The following ZCCHC17 variants were observed in gnomAD, a reference collection of about 807,000 sequenced individuals.
ZCCHC17 encodes the protein zinc finger CCHC domain-containing protein 17.
ZCCHC17 carries 18 observed loss-of-function variants against 30.6 expected under a neutral mutation model. The ratio of observed to expected loss-of-function variants is 0.59; its 90% CI spans 0.41 to 0.87. ZCCHC17 has a LOEUF of 0.87. Among genes scored for constraint, ZCCHC17 ranks in the 40% least tolerant of loss-of-function variants. The pLI, the probability that ZCCHC17 is intolerant of heterozygous loss-of-function variation, is 0.00. For synonymous variants in ZCCHC17, 88 were observed against 92.4 expected (o/e 0.95, Z 0.27); for missense variants, 263 against 284.2 (o/e 0.93, Z 0.54).
At chr1:31,322,705 A>G (rs1646888209) in intron 3 of ZCCHC17, among the ~76,000 whole-genome samples, 1 of 144,480 alleles carries the variant, frequency 6.9e-6, no homozygotes, top group South Asian at 2.2e-4. Flanking sequence ...CCCGGAAGTC[A>G]GAGGGTAGGG....
chr1:31,360,804 T>C (rs1323663456), intron 7 of ZCCHC17, among the ~76,000 whole-genome samples: 2 of 152,364 alleles, frequency 1.3e-5, no homozygotes, highest in East Asian at 1.9e-4. Flanking sequence ...CGACTCACTT[T>C]ACATTTCTGA....
At chr1:31,324,973 G>C (rs777026654) in intron 3 of ZCCHC17, among the ~76,000 whole-genome samples, 2 of 152,066 alleles carry the variant, frequency 1.3e-5, no homozygotes, top group African/African-American at 4.8e-5. Context: ...GCTTTTCCTG[G>C]GCCTGCCCAT....
chr1:31,362,546 A>G (rs932863054), intron 7 of ZCCHC17, among the ~76,000 whole-genome samples: 9 of 152,134 alleles, frequency 5.9e-5, no homozygotes, highest in East Asian at 1.9e-4. Context: ...TGGTGGGTAT[A>G]GTTTTGGGAA....
chr1:31,305,166 T>G (rs550919661), intron 1 of ZCCHC17, among the ~76,000 whole-genome samples: 109 of 152,302 alleles, frequency 7.2e-4, no homozygotes, highest in African/African-American at 2.3e-3. Flanking sequence ...TCTTTGGGGG[T>G]TCTACTCCCT....
chr1:31,326,543 A>G (rs1457650285), intron 3 of ZCCHC17, among the ~76,000 whole-genome samples: 3 of 152,172 alleles, frequency 2.0e-5, no homozygotes, highest in South Asian at 2.1e-4. Context: ...TATAGTTGCC[A>G]TAGCTGCCAG....
chr1:31,344,928 C>T (rs372494352), intron 5 of ZCCHC17, among the ~76,000 whole-genome samples: 1 of 150,440 alleles, frequency 6.6e-6, no homozygotes, highest in East Asian at 2.0e-4. Context: ...TGGTGCAGTC[C>T]GCTCACTGCA....
At chr1:31,337,308 A>G (rs1324534017) in intron 4 of ZCCHC17, 33 bp downstream of exon 4, 1 of 1,573,396 alleles carries the variant, frequency 6.4e-7, no homozygotes, top group Admixed American at 1.7e-5. Flanking sequence ...TGTGGTTAGA[A>G]AGGATTAGGA....
intron 3 of ZCCHC17, among the ~76,000 whole-genome samples, chr1:31,324,510 C>T (rs1031628674): frequency 6.6e-6 from 1 of 152,224 alleles, no homozygotes; most frequent in Non-Finnish European, 1.5e-5. Context: ...CTTGGAGGTC[C>T]GGGAAGACCC....
intron 3 of ZCCHC17, among the ~76,000 whole-genome samples, chr1:31,329,938 T>C (rs1044449389): frequency 2.0e-5 from 3 of 152,318 alleles, no homozygotes; most frequent in African/African-American, 7.2e-5. Context: ...TTTAAGCGTT[T>C]AGTAAATGTT....
intron 7 of ZCCHC17, among the ~76,000 whole-genome samples, chr1:31,357,911 A>AC (rs1210524562): frequency 1.3e-5 from 2 of 152,008 alleles, no homozygotes; most frequent in African/African-American, 4.8e-5. Context: ...ATGCACCACC[A>AC]CGCCCAGCTG....
chr1:31,364,159 A>C lies in ZCCHC17; in HGVS notation c.692A>C (p.Lys231Thr). 2 of 1,613,710 alleles carry C rather than the reference A, an allele frequency of 1.2e-6. No homozygotes were observed. The highest frequency in any genetic ancestry group is 1.7e-6 in the Non-Finnish European group (2 of 1,179,764). The change falls in exon 8 of 8, where the codon AAG becomes ACG. Residue 231 changes from lysine (K) to threonine (T), a missense_variant. Lys to Thr is a moderately conservative substitution (Grantham distance 78, BLOSUM62 -1). Coordinates refer to ENST00000344147, the MANE Select transcript of ZCCHC17 (RefSeq NM_016505.4). ...AGCAAGGCAGCAAAGAAGAAGAAAA[A>C]GAAGAAGAAGCACAAGAAGAAGCAC... ...KDSKAAKKKK[K>T]KKKHKKKHKE
chr1:31,319,290 A>G, intron 3 of ZCCHC17, 124 bp downstream of exon 3: 1 of 770,110 alleles, frequency 1.3e-6, no homozygotes, highest in Non-Finnish European at 2.1e-6. Context: ...TTTCTTTTTA[A>G]TGTATAGATA....
intron 5 of ZCCHC17, among the ~76,000 whole-genome samples, chr1:31,346,171 A>G (rs1270417994): frequency 6.6e-6 from 1 of 152,134 alleles, no homozygotes; most frequent in African/African-American, 2.4e-5. Flanking sequence ...AGAGAGGGGG[A>G]GAACTGCCTG....
intron 3 of ZCCHC17, among the ~76,000 whole-genome samples, chr1:31,331,590 T>A (rs961370052): frequency 6.6e-6 from 1 of 151,968 alleles, no homozygotes; most frequent in African/African-American, 2.4e-5. Flanking sequence ...GAAATGAATC[T>A]AATGATAGGA....
intron 2 of ZCCHC17, among the ~76,000 whole-genome samples, chr1:31,317,537 T>C (rs978575489): frequency 2.6e-5 from 4 of 152,238 alleles, no homozygotes; most frequent in Admixed American, 6.5e-5. Flanking sequence ...GCAAGTTGTG[T>C]GCAAGATCCT....
chr1:31,345,583 T>TAA (rs1639239236), intron 5 of ZCCHC17, among the ~76,000 whole-genome samples: 2 of 8,130 alleles, frequency 2.5e-4, no homozygotes, highest in African/African-American at 5.2e-4. Context: ...TATATATATA[T>TAA]TAGTTCTCAC....
intron 2 of ZCCHC17, among the ~76,000 whole-genome samples, chr1:31,310,492 T>C (rs1177098504): frequency 6.6e-6 from 1 of 152,264 alleles, no homozygotes; most frequent in Admixed American, 6.5e-5. Context: ...AGGTAGGACC[T>C]AGTAGGAGGT....
intron 7 of ZCCHC17, among the ~76,000 whole-genome samples, chr1:31,358,146 C>T (rs111804627): frequency 7.2e-5 from 11 of 152,324 alleles, no homozygotes; most frequent in African/African-American, 2.6e-4. Flanking sequence ...GAGAGCATTT[C>T]AGCAAATGTA....
chr1:31,359,652 C>G (rs1021580122), intron 7 of ZCCHC17, among the ~76,000 whole-genome samples: 2 of 152,130 alleles, frequency 1.3e-5, no homozygotes, highest in Non-Finnish European at 2.9e-5. Context: ...TATCCTGTTT[C>G]AGAACTATAG....
Sources: gnomAD v4.1 joint callset for allele counts (sites outside exome capture counted in the v4.1 genomes callset) on GRCh38, gnomAD v4.1.1 for gene constraint, MANE v1.5 for transcripts, NCBI Gene and HGNC (gene_info 2026-07-23, HGNC 2026-07-21) for gene names.